Variants in WAPL observed in about 807,000 individuals in gnomAD.
WAPL encodes wings apart-like protein homolog.
In WAPL, 5 loss-of-function variants were observed where a neutral mutation model predicts 121.0. That is an observed-to-expected ratio of 0.04 (90% confidence interval 0.02 to 0.09). The LOEUF (loss-of-function observed/expected upper bound fraction) is 0.09, where lower values mean the gene tolerates loss of function less well. Among genes scored for constraint, WAPL ranks in the 10% least tolerant of loss-of-function variants. The pLI is 1.00. For missense variants in WAPL, 999 were observed against 1,410.8 expected (o/e 0.71, Z 4.68); for synonymous variants, 480 against 481.5 (o/e 1.00, Z 0.04).
At chr10:86,495,440 C>A (rs931825859) in intron 4 of WAPL, among the ~76,000 whole-genome samples, 74 of 151,930 alleles carry the variant, frequency 4.9e-4, no homozygotes, top group Non-Finnish European at 7.4e-5. Flanking sequence ...GCATTCCAGC[C>A]TGGGTGAGAG....
intron 4 of WAPL, among the ~76,000 whole-genome samples, chr10:86,478,419 G>A (rs118060746): frequency 0.08 from 12,241 of 152,090 alleles, 858 homozygotes; most frequent in East Asian, 0.38. Flanking sequence ...GTGACAGAGC[G>A]AGATCCTGTC....
chr10:86,469,666 T>C (rs1841490203), intron 8 of WAPL, among the ~76,000 whole-genome samples: 1 of 152,172 alleles, frequency 6.6e-6, no homozygotes, highest in Non-Finnish European at 1.5e-5. Context: ...TATTCTGTAC[T>C]TAAACCTATT....
intron 16 of WAPL, among the ~76,000 whole-genome samples, chr10:86,444,670 A>C (rs1849558095): frequency 6.6e-6 from 1 of 152,068 alleles, no homozygotes; most frequent in African/African-American, 2.4e-5. Context: ...CCCAGGGAGG[A>C]GGGGAAAATA....
At chr10:86,445,490 A>G (rs1344747993) in intron 16 of WAPL, among the ~76,000 whole-genome samples, 1 of 152,048 alleles carries the variant, frequency 6.6e-6, no homozygotes, top group Non-Finnish European at 1.5e-5. Context: ...GTAGATACTC[A>G]ATAATGTATG....
rs777511981 is a variant in WAPL at position 86,500,072 on chromosome 10, C to T, written c.1171G>A (p.Asp391Asn). Residue 391 changes from aspartate to asparagine, a missense_variant, in exon 3 of 19, where the codon GAT becomes AAT. This residue lies in a region of WAPL where 531 missense variants were observed against 563.1 expected (regional missense o/e 0.94). Coordinates refer to ENST00000298767, the MANE Select transcript of WAPL (RefSeq NM_015045.5). ...CTGAGACGACCAGCTTCTCCCAAATCTGCAGGAGTGGATGCAGTGAACTCA... is the reference window on the plus strand; with the variant it reads ...CTGAGACGACCAGCTTCTCCCAAATTTGCAGGAGTGGATGCAGTGAACTCA... Reference protein sequence around the residue: ...MDEFTASTPADLGEAGRLRKK... With the variant: ...MDEFTASTPANLGEAGRLRKK... 1.2e-6 allele frequency: 2 copies of T among 1,614,180 alleles called. No homozygotes were observed. The highest frequency in any genetic ancestry group is 1.7e-5 in the Admixed American group (1 of 60,004).
chr10:86,512,205 A>T (rs902561268), intron 2 of WAPL, among the ~76,000 whole-genome samples: 1 of 152,222 alleles, frequency 6.6e-6, no homozygotes, highest in Non-Finnish European at 1.5e-5. Flanking sequence ...AATCACCTTC[A>T]GTTCTAAATC....
chr10:86,500,882 A>T, intron 2 of WAPL, 139 bp from the exon 3 acceptor site: 1 of 768,492 alleles, frequency 1.3e-6, no homozygotes. Context: ...AGAAATTAAC[A>T]TTTACATATC....
chr10:86,455,284 GTGTC>G (rs1179159185), intron 12 of WAPL, among the ~76,000 whole-genome samples: 3 of 152,256 alleles, frequency 2.0e-5, no homozygotes, highest in African/African-American at 7.2e-5. Flanking sequence ...GATTGTTATT[GTGTC>G]TGTGTAGAAA....
intron 2 of WAPL, among the ~76,000 whole-genome samples, chr10:86,508,781 CAG>C (rs1252069543): frequency 3.9e-5 from 4 of 101,880 alleles, no homozygotes; most frequent in East Asian, 3.3e-4. Flanking sequence ...TTTTTTGAGA[CAG>C]AGTCTCTGTC....
At chr10:86,514,792 A>C (rs1483035350) in intron 2 of WAPL, among the ~76,000 whole-genome samples, 1 of 152,168 alleles carries the variant, frequency 6.6e-6, no homozygotes, top group Non-Finnish European at 1.5e-5. Context: ...TAAACGTTCA[A>C]CTTTATTAAT....
intron 2 of WAPL, among the ~76,000 whole-genome samples, chr10:86,506,849 T>C (rs985940229): frequency 6.6e-6 from 1 of 151,944 alleles, no homozygotes; most frequent in African/African-American, 2.4e-5. Context: ...TGCCCTACAC[T>C]GGACTAAGGG....
At chr10:86,500,832 G>A (rs1287192535) in intron 2 of WAPL, 89 bp from the exon 3 acceptor site, 1 of 1,087,684 alleles carries the variant, frequency 9.2e-7, no homozygotes, top group African/African-American at 1.6e-5. Flanking sequence ...AATAGTATAT[G>A]ATCAATCTTG....
intron 4 of WAPL, among the ~76,000 whole-genome samples, chr10:86,474,892 CAGCT>C (rs1841617247): frequency 6.6e-6 from 1 of 152,188 alleles, no homozygotes; most frequent in Non-Finnish European, 1.5e-5. Flanking sequence ...CCACTGCAGC[CAGCT>C]GTGTGCCACC....
intron 3 of WAPL, among the ~76,000 whole-genome samples, chr10:86,499,330 TATG>T (rs1468378891): frequency 6.6e-6 from 1 of 152,120 alleles, no homozygotes; most frequent in African/African-American, 2.4e-5. Context: ...AGGAAGAAAC[TATG>T]CAGCTGTTGA....
intron 7 of WAPL, 34 bp from the exon 8 acceptor site, chr10:86,471,137 A>C (rs768524593): frequency 3.8e-6 from 6 of 1,569,520 alleles, no homozygotes; most frequent in Non-Finnish European, 5.3e-6. Context: ...GGGGGGCTGG[A>C]AACAGCTAGT....
intron 4 of WAPL, among the ~76,000 whole-genome samples, chr10:86,477,769 C>A (rs1385956498): frequency 6.6e-6 from 1 of 152,030 alleles, no homozygotes; most frequent in Non-Finnish European, 1.5e-5. Context: ...CCATTGCACT[C>A]CAGCCTGGGC....
chr10:86,472,819 C>A lies in WAPL; in HGVS notation c.1741-55G>T. ...CTAAATAAATATATAAAAATAGGAA[C>A]GTCTCATCTATCTGGCAAATTCAGC... is the stretch of plus-strand genomic sequence containing the variant. On this transcript the variant is annotated intron_variant, in intron 5 of 18. Coordinates refer to ENST00000298767, the MANE Select transcript of WAPL (RefSeq NM_015045.5). The surrounding 1 kb of genome is among the most constrained non-coding windows in gnomAD (Gnocchi z 4.2). 6.8e-7 allele frequency: 1 copy of A among 1,471,514 alleles called. No individual in the cohort carries two copies. The highest frequency in any genetic ancestry group is 1.4e-5 in the South Asian group (1 of 71,776). 91.2% of individuals were successfully genotyped at this position (1,471,514 alleles called of 1,614,324 possible). A position where few individuals can be genotyped will look rare whatever the true frequency, so the allele number is the denominator to read the frequency against.
Position 86,443,364 on chromosome 10 carries a change from C to CT in WAPL, c.3323-2dup. 3 of 1,613,666 alleles carry CT rather than the reference C, an allele frequency of 1.9e-6. No homozygotes were observed. Among genetic ancestry groups the CT allele is most frequent in the Non-Finnish European group, 2.5e-6 (3 of 1,179,846 alleles). On this transcript the variant is annotated splice_acceptor_variant, in intron 16 of 18. Transcript: ENST00000298767. LOFTEE classifies it high-confidence loss of function. ...ATGTGTTTGCCGGCATGCTGAAGGG[C>CT]TGAGAGAATTGAAGTAAAGAATTGT...
intron 8 of WAPL, among the ~76,000 whole-genome samples, chr10:86,469,803 G>A (rs1333479615): frequency 1.3e-5 from 2 of 152,174 alleles, no homozygotes; most frequent in Non-Finnish European, 2.9e-5. Flanking sequence ...AGGATGCATT[G>A]TAAAGGCCAT....
Sources: gnomAD v4.1 joint callset for allele counts (sites outside exome capture counted in the v4.1 genomes callset) on GRCh38, gnomAD v4.1.1 for gene constraint, gnomAD v4.1.1 regional missense constraint, Gnocchi (gnomAD v3.1) non-coding constraint, MANE v1.5 for transcripts, NCBI Gene and HGNC (gene_info 2026-07-23, HGNC 2026-07-21) for gene names.